Variants in LRRC37A2 observed in about 807,000 individuals in gnomAD.
LRRC37A2 encodes the protein leucine rich repeat containing 37 member A2.
In LRRC37A2, 9 loss-of-function variants were observed where a neutral mutation model predicts 68.8. That is an observed-to-expected ratio of 0.13 (90% CI 0.08 to 0.23). The LOEUF (loss-of-function observed/expected upper bound fraction) is 0.23, where lower values mean the gene tolerates loss of function less well. Ranked by LOEUF, LRRC37A2 falls within the 10% of genes least tolerant of loss-of-function variation. The pLI, the probability that LRRC37A2 is intolerant of heterozygous loss-of-function variation, is 1.00. For missense variants in LRRC37A2, 168 were observed against 950.4 expected (o/e 0.18, Z 10.82); for synonymous variants, 63 against 367.6 (o/e 0.17, Z 9.48).
chr17:46,845,023 A>G, the LRRC37A2 span, among the ~76,000 whole-genome samples: 1 of 151,912 alleles, frequency 6.6e-6, no homozygotes, highest in African/African-American at 2.4e-5. Flanking sequence ...AATTTTTTGT[A>G]TTTTTAGTAG....
the LRRC37A2 span, among the ~76,000 whole-genome samples, chr17:46,771,122 C>T: frequency 6.6e-6 from 1 of 152,232 alleles, no homozygotes; most frequent in African/African-American, 2.4e-5. Flanking sequence ...GCTCCCGCGG[C>T]CGCTCTCCGC....
At chr17:46,691,627 C>G in the LRRC37A2 span, among the ~76,000 whole-genome samples, 1 of 151,576 alleles carries the variant, frequency 6.6e-6, no homozygotes, top group Non-Finnish European at 1.5e-5. Flanking sequence ...ACGATTATAT[C>G]CTTATCGGAG....
At chr17:46,706,944 G>T in the LRRC37A2 span, among the ~76,000 whole-genome samples, 2 of 145,652 alleles carry the variant, frequency 1.4e-5, no homozygotes, top group Admixed American at 6.9e-5. Context: ...TCCATCTCCC[G>T]GGTTCAAGCA....
the LRRC37A2 span, among the ~76,000 whole-genome samples, chr17:46,823,142 T>TTA: frequency 1.5e-5 from 2 of 131,388 alleles, no homozygotes; most frequent in East Asian, 2.0e-4. Flanking sequence ...ATATATTATA[T>TTA]TATATATATT....
the LRRC37A2 span, among the ~76,000 whole-genome samples, chr17:47,020,637 C>T: frequency 4.0e-5 from 6 of 150,840 alleles, no homozygotes; most frequent in Non-Finnish European, 7.4e-5. Context: ...AAAAAATTAG[C>T]CAGGCATGGT....
the LRRC37A2 span, among the ~76,000 whole-genome samples, chr17:46,911,019 G>A: frequency 6.6e-6 from 1 of 152,220 alleles, no homozygotes; most frequent in Non-Finnish European, 1.5e-5. Flanking sequence ...TGTGAAGGCA[G>A]GATGCTTGGA....
chr17:46,935,796 A>G, the LRRC37A2 span: 1 of 986,678 alleles, frequency 1.0e-6, no homozygotes, highest in East Asian at 1.1e-4. Flanking sequence ...AGTGGTTTAC[A>G]GAAACATTAC....
the LRRC37A2 span, among the ~76,000 whole-genome samples, chr17:47,010,225 T>C: frequency 6.6e-6 from 1 of 152,230 alleles, no homozygotes; most frequent in African/African-American, 2.4e-5. Context: ...CTGTGTCCTC[T>C]GGCCCCGCAC....
the LRRC37A2 span, among the ~76,000 whole-genome samples, chr17:46,991,111 T>C: frequency 6.6e-6 from 1 of 152,206 alleles, no homozygotes; most frequent in Admixed American, 6.5e-5. Flanking sequence ...TCTGCAAAAC[T>C]TTGATTTGAA....
intron 6 of LRRC37A2, among the ~76,000 whole-genome samples, chr17:46,531,792 C>G (rs1157702091): frequency 1.1e-5 from 1 of 92,052 alleles, no homozygotes; most frequent in Non-Finnish European, 1.9e-5. Flanking sequence ...TGTCAGGCTG[C>G]CTTCAGCTAG....
At chr17:46,868,447 A>T in the LRRC37A2 span, among the ~76,000 whole-genome samples, 1 of 151,434 alleles carries the variant, frequency 6.6e-6, no homozygotes, top group Non-Finnish European at 1.5e-5. Context: ...CACAAAAAAA[A>T]TAGCTGGGCG....
the LRRC37A2 span, chr17:46,757,581 G>A: frequency 1.3e-5 from 2 of 152,366 alleles, no homozygotes; most frequent in South Asian, 4.1e-4. Flanking sequence ...AGCATAACAT[G>A]AGGGATGATT....
the LRRC37A2 span, among the ~76,000 whole-genome samples, chr17:46,835,029 C>T: frequency 1.6e-4 from 24 of 152,122 alleles, no homozygotes; most frequent in African/African-American, 4.8e-4. Flanking sequence ...GGATCTCGCT[C>T]TGTTGTCCAG....
chr17:46,768,746 G>A, the LRRC37A2 span: 6 of 1,614,144 alleles, frequency 3.7e-6, no homozygotes, highest in Admixed American at 1.7e-5. This position sits in a 1 kb window ranked among gnomAD's most constrained non-coding sequence, Gnocchi z 5.0. Flanking sequence ...TCACCTCACA[G>A]CTGCCCGACA....
At chr17:46,931,134 A>T in the LRRC37A2 span, 1 of 1,610,324 alleles carries the variant, frequency 6.2e-7, no homozygotes, top group Non-Finnish European at 8.5e-7. Context: ...CATAGACCAG[A>T]TATTCAGCCG....
the LRRC37A2 span, among the ~76,000 whole-genome samples, chr17:47,009,700 C>A: frequency 2.0e-5 from 3 of 152,236 alleles, no homozygotes; most frequent in Non-Finnish European, 2.9e-5. Flanking sequence ...CCTCCGCCCC[C>A]ACGCCCCGGC....
At chr17:46,965,450 G>C in the LRRC37A2 span, among the ~76,000 whole-genome samples, 6 of 152,146 alleles carry the variant, frequency 3.9e-5, no homozygotes, top group Non-Finnish European at 7.4e-5. Flanking sequence ...CTGTGCCCCA[G>C]ATTGGGGCAC....
At chr17:46,783,565 T>C in the LRRC37A2 span, among the ~76,000 whole-genome samples, 1 of 152,176 alleles carries the variant, frequency 6.6e-6, no homozygotes, top group Admixed American at 6.5e-5. Context: ...TGTGGGTGCC[T>C]TAAATGAGTG....
the LRRC37A2 span, among the ~76,000 whole-genome samples, chr17:46,839,997 TTTC>T: frequency 3.4e-3 from 210 of 62,558 alleles, 1 homozygote; most frequent in African/African-American, 0.014. Context: ...TTCTTTTTTC[TTTC>T]TTCTTTCTTT....
Sources: allele counts gnomAD v4.1 joint callset (sites outside exome capture counted in the v4.1 genomes callset), GRCh38; gene constraint gnomAD v4.1.1; non-coding constraint Gnocchi (gnomAD v3.1); transcripts MANE v1.5; gene names NCBI Gene and HGNC (gene_info 2026-07-23, HGNC 2026-07-21).